Variants in VIRMA observed in about 807,000 individuals in gnomAD.
VIRMA encodes vir like m6A methyltransferase associated, also known as protein virilizer homolog.
A neutral mutation model predicts 182.4 loss-of-function variants in VIRMA; 65 were observed. The observed-to-expected ratio is 0.36, with a 90% CI of 0.29 to 0.44. The LOEUF (loss-of-function observed/expected upper bound fraction) is 0.44, where lower values mean the gene tolerates loss of function less well. Ranked by LOEUF, VIRMA falls within the 20% of genes least tolerant of loss-of-function variation. The pLI, the probability that VIRMA is intolerant of heterozygous loss-of-function variation, is 1.00. For missense variants in VIRMA, 1,752 were observed against 2,158.1 expected (o/e 0.81, Z 3.73); for synonymous variants, 709 against 743.1 (o/e 0.95, Z 0.75).
intron 15 of VIRMA, among the ~76,000 whole-genome samples, chr8:94,508,699 CAA>C (rs111721426): frequency 0.048 from 6,031 of 125,786 alleles, 128 homozygotes; most frequent in Non-Finnish European, 0.059. Flanking sequence ...ACAAGTCATA[CAA>C]AAAAAAAAAA....
rs376109249 is a variant in VIRMA, at chr8:94,553,430, C to G, written c.18G>C (p.Ala6=). Residue 6 remains alanine (A), a synonymous_variant, in exon 1 of 24, where the codon GCG becomes GCC. Transcript: ENST00000297591. ...AAGTATCTAAAAATAACAGCTCCATCGCCGAGTCCACCGCCATGTTTGCCG... is the reference window on the plus strand; with the variant it reads ...AAGTATCTAAAAATAACAGCTCCATGGCCGAGTCCACCGCCATGTTTGCCG... MAVDS[A]MELLFLDTFK... 1 of 1,614,106 alleles carries G rather than the reference C, an allele frequency of 6.2e-7. No homozygotes were observed. Among genetic ancestry groups the G allele is most frequent in the Non-Finnish European group, 8.5e-7 (1 of 1,180,052 alleles).
Position 94,490,094 on chromosome 8 carries a change from C to G in VIRMA, c.5141-12G>C, listed in dbSNP as rs1662873236. The stretch of plus-strand genomic sequence containing the variant: ...ACGACTGTAGTTTCCTAAACACAAA[C>G]AGCACAATCAAAATCACTTTTTTCA... On this transcript the variant is annotated splice_polypyrimidine_tract_variant and intron_variant, in intron 22 of 23. Transcript: ENST00000297591. The G allele has an allele frequency of 1.3e-6, 2 of 1,585,322 alleles. No individual in the cohort carries two copies. The highest frequency in any genetic ancestry group is 1.9e-5 in the Admixed American group (1 of 52,732).
intron 18 of VIRMA, 107 bp from the exon 19 acceptor site, chr8:94,495,998 G>A (rs943378909): frequency 2.2e-6 from 2 of 927,618 alleles, no homozygotes; most frequent in South Asian, 1.9e-5. Context: ...TAAGAAATTT[G>A]GAACACTGTC....
intron 1 of VIRMA, chr8:94,546,930 C>T (rs1249019539): frequency 6.6e-6 from 3 of 455,414 alleles, no homozygotes; most frequent in Non-Finnish European, 1.3e-5. Flanking sequence ...ACTTATATCC[C>T]TAGCTTACCA....
Position 94,526,686 on chromosome 8 carries a change from A to T in VIRMA, c.1558T>A (p.Phe520Ile). ...TTTTCATTCTGCCTACCTCTTAAAA[A>T]AGCTTCCATTCCTTCTGTCATACTA... ...VISMTEGMEA[F>I]LRGRQNEKSG... The change falls in exon 8 of 24, where the codon TTT becomes ATT. Residue 520 changes from phenylalanine (F) to isoleucine (I), a missense_variant. By Grantham distance (21) the Phe-to-Ile change is conservative. Around this residue, in one of 11 missense-constraint regions of VIRMA, gnomAD observed 401 missense variants for 455.1 expected, o/e 0.88. Coordinates refer to ENST00000297591, the MANE Select transcript of VIRMA (RefSeq NM_015496.5). 1 of 1,613,974 alleles carries T rather than the reference A, an allele frequency of 6.2e-7. No homozygotes were observed. Among genetic ancestry groups the T allele is most frequent in the Non-Finnish European group, 8.5e-7 (1 of 1,180,018 alleles).
chr8:94,488,821 C>T lies in VIRMA; in HGVS notation c.5324G>A (p.Arg1775His), dbSNP rs972376899. Residue 1775 changes from arginine to histidine, a missense_variant, in exon 24 of 24, where the codon CGT becomes CAT. By Grantham distance (29) the Arg-to-His change is conservative. Transcript: ENST00000297591. Reference protein sequence around the residue: ...PSPRDRASRGRGGLGPSWASA... With the variant: ...PSPRDRASRGHGGLGPSWASA... ...AGCCCAGGAAGGTCCAAGTCCCCCA[C>T]GACCTCTAGAAGCACGGTCCCGAGG... 3 of 1,614,156 alleles carry T rather than the reference C, an allele frequency of 1.9e-6. No individual in the cohort carries two copies. Among genetic ancestry groups the T allele is most frequent in the South Asian group, 1.1e-5 (1 of 91,088 alleles).
Position 94,527,382 on chromosome 8 carries a change from A to G in VIRMA, c.881-19T>C, listed in dbSNP as rs776414107. ...TCATCCCCTGAAAATTAGTATGAATAATATTTAAGTATTACATCATCTTTG... is the reference window on the plus strand; with the variant it reads ...TCATCCCCTGAAAATTAGTATGAATGATATTTAAGTATTACATCATCTTTG... On this transcript the variant is annotated intron_variant, in intron 7 of 23. Transcript: ENST00000297591. 1 of 1,424,452 alleles carries G rather than the reference A, an allele frequency of 7.0e-7. No homozygotes were observed. Among genetic ancestry groups the G allele is most frequent in the Non-Finnish European group, 9.6e-7 (1 of 1,046,906 alleles). 88.2% of individuals were successfully genotyped at this position (1,424,452 alleles called of 1,614,324 possible). A position where few individuals can be genotyped will look rare whatever the true frequency, so the allele number is the denominator to read the frequency against.
intron 15 of VIRMA, among the ~76,000 whole-genome samples, chr8:94,507,500 A>G (rs928862660): frequency 3.3e-5 from 5 of 151,648 alleles, no homozygotes; most frequent in Non-Finnish European, 5.9e-5. Context: ...CACACCTGTA[A>G]TCCCAGCACT....
intron 8 of VIRMA, among the ~76,000 whole-genome samples, chr8:94,522,325 T>C (rs1357481784): frequency 1.3e-5 from 2 of 152,176 alleles, no homozygotes; most frequent in Non-Finnish European, 2.9e-5. Flanking sequence ...ACTATGTGAC[T>C]CCACTGTGAG....
chr8:94,537,204 T>C (rs865815787), intron 3 of VIRMA, 53 bp from the exon 4 acceptor site: 6 of 1,100,204 alleles, frequency 5.5e-6, no homozygotes, highest in Middle Eastern at 2.0e-4. Context: ...ACATCACAGT[T>C]CATGAAGACG....
chr8:94,547,613 A>G (rs541344626), intron 1 of VIRMA, among the ~76,000 whole-genome samples: 1 of 151,066 alleles, frequency 6.6e-6, no homozygotes, highest in African/African-American at 2.5e-5. Context: ...GTATCGACCT[A>G]GTCTCCTAGG....
chr8:94,515,344 C>T (rs1345791556), intron 10 of VIRMA, among the ~76,000 whole-genome samples: 1 of 152,074 alleles, frequency 6.6e-6, no homozygotes, highest in Non-Finnish European at 1.5e-5. Flanking sequence ...ATCCGCCCGC[C>T]TCAGCCTCCC....
At position 94,495,889 on chromosome 8, in the gene VIRMA, T is replaced by C. The variant is rs752049792; in HGVS notation, c.4386A>G (p.Glu1462=). ...LFLELEKLVL[E]HSKDDDNLDS... ...CCAGATTGTCATCATCTTTTGAATGTTCCTAGATACAAATAAAGGCAGAAT... is the reference window on the plus strand; with the variant it reads ...CCAGATTGTCATCATCTTTTGAATGCTCCTAGATACAAATAAAGGCAGAAT... Residue 1462 remains glutamate, a splice_region_variant and synonymous_variant, in exon 19 of 24, where the codon GAA becomes GAG. Coordinates refer to ENST00000297591, the MANE Select transcript of VIRMA (RefSeq NM_015496.5). 1.9e-6 allele frequency: 3 copies of C among 1,612,024 alleles called. No homozygotes were observed. In the South Asian group the frequency reaches 3.3e-5, roughly 18 times the overall value.
rs1253896378 is a variant in VIRMA, at chr8:94,500,009, C to T, written c.4098-503G>A. ...CAGAGGTTGCAGCGAGCCGAAATCA[C>T]GCCACTGCACTCCAGCTTGAAGGAC... On this transcript the variant is annotated intron_variant, in intron 16 of 23. Transcript: ENST00000297591. Among the ~76,000 whole-genome samples, 3 of 146,014 alleles carry T rather than the reference C, an allele frequency of 2.1e-5. No individual in the cohort carries two copies. In the Admixed American group the frequency reaches 2.1e-4, roughly 10 times the overall value.
At position 94,499,263 on chromosome 8, in the gene VIRMA, A is replaced by C. The variant is rs1283887652; in HGVS notation, c.4230+111T>G. ...AGATCCTCCCACCTCAGCCCACCAGAGTGCTGAGATTACAGATGTGAGCCA... is the reference window on the plus strand; with the variant it reads ...AGATCCTCCCACCTCAGCCCACCAGCGTGCTGAGATTACAGATGTGAGCCA... On this transcript the variant is annotated intron_variant, in intron 17 of 23. Coordinates refer to ENST00000297591, the MANE Select transcript of VIRMA (RefSeq NM_015496.5). 4.4e-6 allele frequency: 3 copies of C among 689,290 alleles called. No individual in the cohort carries two copies. In the African/African-American group the frequency reaches 5.5e-5, roughly 13 times the overall value. 42.7% of individuals were successfully genotyped at this position (689,290 alleles called of 1,614,324 possible). A position where few individuals can be genotyped will look rare whatever the true frequency, so the allele number is the denominator to read the frequency against.
chr8:94,514,754 C>CT, intron 11 of VIRMA, 115 bp downstream of exon 11: 1 of 581,276 alleles, frequency 1.7e-6, no homozygotes, highest in Non-Finnish European at 3.1e-6. Context: ...TCTAATAAAT[C>CT]AATCAAGGAC....
chr8:94,529,785 G>A (rs1389269690), intron 6 of VIRMA, among the ~76,000 whole-genome samples: 3 of 151,850 alleles, frequency 2.0e-5, no homozygotes, highest in African/African-American at 7.3e-5. Context: ...GATTACAGGC[G>A]TGTAACACCA....
rs576727324 is a variant in VIRMA at position 94,508,984 on chromosome 8, A to C, written c.3879+704T>G. 2.6e-5 allele frequency among the ~76,000 whole-genome samples: 4 copies of C among 152,346 alleles called. No individual in the cohort carries two copies. The South Asian group carries it at 8.3e-4, about 32-fold the overall frequency. ...TCAATAATACAGACAACAGGAAAAA[A>C]TACTACTACTTTAGCCAACATCTAT... is the stretch of plus-strand genomic sequence containing the variant. On this transcript the variant is annotated intron_variant, in intron 15 of 23. Transcript: ENST00000297591.
At chr8:94,544,098 A>G (rs1463301377) in intron 1 of VIRMA, among the ~76,000 whole-genome samples, 156 bp from the exon 2 acceptor site, 1 of 152,236 alleles carries the variant, frequency 6.6e-6, no homozygotes, top group East Asian at 1.9e-4. Flanking sequence ...TTGTATAAAT[A>G]GCTGATAAGA....
Sources: allele counts gnomAD v4.1 joint callset (sites outside exome capture counted in the v4.1 genomes callset), GRCh38; gene constraint gnomAD v4.1.1; regional missense constraint gnomAD v4.1.1; transcripts MANE v1.5; gene names NCBI Gene and HGNC (gene_info 2026-07-23, HGNC 2026-07-21).